The following ARHGAP44 variants were observed in gnomAD, a reference collection of about 807,000 sequenced individuals.
ARHGAP44 encodes Rho GTPase activating protein 44, also known as rho GTPase-activating protein 44.
Under a neutral mutation model 106.8 loss-of-function variants are expected in ARHGAP44, and 43 were observed. The observed-to-expected ratio is 0.40, with a 90% CI of 0.32 to 0.52. The LOEUF (loss-of-function observed/expected upper bound fraction) is 0.52, where lower values mean the gene tolerates loss of function less well. ARHGAP44 is among the 20% of genes least tolerant of loss of function. The pLI is 0.48. For synonymous variants in ARHGAP44, 439 were observed against 410.3 expected (o/e 1.07, Z -0.85); for missense variants, 866 against 1,050.5 (o/e 0.82, Z 2.43).
intron 1 of ARHGAP44, among the ~76,000 whole-genome samples, chr17:12,833,922 G>A (rs781183810): frequency 2.6e-5 from 4 of 151,882 alleles, no homozygotes; most frequent in Non-Finnish European, 4.4e-5. Flanking sequence ...AAACCTCCAG[G>A]GTAGCAGGCT....
At chr17:12,818,896 G>A (rs1379586607) in intron 1 of ARHGAP44, among the ~76,000 whole-genome samples, 1 of 152,020 alleles carries the variant, frequency 6.6e-6, no homozygotes, top group East Asian at 1.9e-4. Flanking sequence ...TTTCAGCAGC[G>A]TATTTTTGTA....
chr17:12,886,031 G>A (rs1170499598), intron 1 of ARHGAP44, among the ~76,000 whole-genome samples: 2 of 152,006 alleles, frequency 1.3e-5, no homozygotes, highest in East Asian at 3.9e-4. Context: ...TGTGAATTAT[G>A]TACAAATGGG....
intron 1 of ARHGAP44, among the ~76,000 whole-genome samples, chr17:12,853,082 C>G (rs1177725797): frequency 6.6e-6 from 1 of 152,172 alleles, no homozygotes; most frequent in Admixed American, 6.5e-5. Context: ...AATAGGCTGT[C>G]TGCAAGCTAA....
chr17:12,981,206 T>C (rs1022609038), intron 19 of ARHGAP44, among the ~76,000 whole-genome samples: 3 of 152,182 alleles, frequency 2.0e-5, no homozygotes, highest in African/African-American at 7.2e-5. Flanking sequence ...TGGGAGACAC[T>C]CAGGGTACTG....
At chr17:12,902,994 T>C (rs1249103507) in intron 3 of ARHGAP44, among the ~76,000 whole-genome samples, 1 of 151,774 alleles carries the variant, frequency 6.6e-6, no homozygotes, top group Non-Finnish European at 1.5e-5. Context: ...TGGCTGTGTG[T>C]CTGTTTGGGG....
At chr17:12,940,862 T>C (rs1432046645) in intron 7 of ARHGAP44, among the ~76,000 whole-genome samples, 194 bp from the exon 8 acceptor site, 1 of 152,208 alleles carries the variant, frequency 6.6e-6, no homozygotes, top group Non-Finnish European at 1.5e-5. Flanking sequence ...AGGTGTTCTT[T>C]TCAAACTTAC....
rs115382764 is a variant in ARHGAP44, at chr17:12,807,926, C to T, written c.53+18035C>T. Reference sequence around the variant, plus strand: ...AAACCAAAATCAAGTTAGTTACTTCCCAGATACAATGGTTACAATGTGGAT... The same window carrying T: ...AAACCAAAATCAAGTTAGTTACTTCTCAGATACAATGGTTACAATGTGGAT... On this transcript the variant is annotated intron_variant, in intron 1 of 20. Transcript: ENST00000379672. 5.3e-3 allele frequency among the ~76,000 whole-genome samples: 813 copies of T among 152,290 alleles called. 4 individuals carry two copies. The highest frequency in any genetic ancestry group is 0.019 in the African/African-American group (781 of 41,564).
At chr17:12,896,346 C>A (rs2037204693) in intron 2 of ARHGAP44, 61 bp from the exon 3 acceptor site, 2 of 1,417,250 alleles carry the variant, frequency 1.4e-6, no homozygotes, top group Non-Finnish European at 1.9e-6. Context: ...TCCACACCCA[C>A]AATCCCTCCT....
At position 12,959,021 on chromosome 17, in the gene ARHGAP44, C is replaced by T. The variant is rs1453150161; in HGVS notation, c.1523+124C>T. ...CTGACTCTCAGCAGTTTAGGTGACT[C>T]GTAGCAATTAAACTGTATCTGCTGT... On this transcript the variant is annotated intron_variant, in intron 16 of 20. Transcript: ENST00000379672. 123 of 1,181,078 alleles carry T rather than the reference C, an allele frequency of 1.0e-4. No homozygotes were observed. In the East Asian group the frequency reaches 2.6e-3, roughly 25 times the overall value. The allele number at this position is 1,181,078 out of a possible 1,614,324, so 73.2% of individuals were successfully genotyped here.
At chr17:12,923,541 A>G (rs2038146728) in intron 6 of ARHGAP44, among the ~76,000 whole-genome samples, 1 of 152,212 alleles carries the variant, frequency 6.6e-6, no homozygotes, top group Non-Finnish European at 1.5e-5. Flanking sequence ...TTGACAGTAC[A>G]GTCCCCTTGA....
intron 1 of ARHGAP44, among the ~76,000 whole-genome samples, chr17:12,802,227 G>A (rs1210018277): frequency 6.6e-6 from 1 of 152,204 alleles, no homozygotes; most frequent in East Asian, 1.9e-4. Flanking sequence ...CCCATAATCA[G>A]TTAGGGTTCT....
At chr17:12,797,506 C>T (rs938113290) in intron 1 of ARHGAP44, among the ~76,000 whole-genome samples, 4 of 152,102 alleles carry the variant, frequency 2.6e-5, no homozygotes, top group Non-Finnish European at 5.9e-5. Flanking sequence ...AAGACGGGCT[C>T]AGCTACCCAG....
chr17:12,903,084 G>GAT (rs2150930477), intron 3 of ARHGAP44, among the ~76,000 whole-genome samples: 1 of 42,292 alleles, frequency 2.4e-5, no homozygotes, highest in South Asian at 9.7e-4. Context: ...GGGAATATAT[G>GAT]AGAGAGAGAG....
intron 1 of ARHGAP44, among the ~76,000 whole-genome samples, chr17:12,814,335 A>G (rs58726868): frequency 0.021 from 3,021 of 143,734 alleles, 75 homozygotes; most frequent in East Asian, 0.069. Context: ...CCGCCTCCTG[A>G]GTTCAAGCAA....
At chr17:12,799,656 C>A (rs2150760191) in intron 1 of ARHGAP44, among the ~76,000 whole-genome samples, 1 of 152,234 alleles carries the variant, frequency 6.6e-6, no homozygotes, top group African/African-American at 2.4e-5. Context: ...TCTTTTGAAT[C>A]TACAGTCTTC....
chr17:12,838,135 T>C (rs760954808), intron 1 of ARHGAP44, among the ~76,000 whole-genome samples: 31 of 152,202 alleles, frequency 2.0e-4, no homozygotes, highest in Non-Finnish European at 3.8e-4. Flanking sequence ...AACAATTTGG[T>C]CATTTTATAC....
intron 7 of ARHGAP44, among the ~76,000 whole-genome samples, chr17:12,936,080 G>C (rs970408016): frequency 6.6e-6 from 1 of 152,100 alleles, no homozygotes; most frequent in Non-Finnish European, 1.5e-5. Context: ...GCAAAATTAA[G>C]TGGAATACAA....
Position 12,929,063 on chromosome 17 carries a change from C to T in ARHGAP44, c.582+17C>T. 6.3e-7 allele frequency: 1 copy of T among 1,596,062 alleles called. No individual in the cohort carries two copies. On this transcript the variant is annotated intron_variant, in intron 7 of 20. Transcript: ENST00000379672. ...ATTTGCAGGGTACCTGCCCTCTTTG[C>T]TCCTCTCTACTGGGACAGGCTGGGG...
intron 4 of ARHGAP44, among the ~76,000 whole-genome samples, chr17:12,914,718 C>T (rs2037851060): frequency 6.6e-6 from 1 of 151,632 alleles, no homozygotes; most frequent in Non-Finnish European, 1.5e-5. Context: ...ATGGCTTGAA[C>T]CCAGGAGGCG....
Sources: gnomAD v4.1 joint callset for allele counts (sites outside exome capture counted in the v4.1 genomes callset) on GRCh38, gnomAD v4.1.1 for gene constraint, MANE v1.5 for transcripts, NCBI Gene and HGNC (gene_info 2026-07-23, HGNC 2026-07-21) for gene names.